PDE1A: variants seen among roughly 807,000 people sequenced by gnomAD.
PDE1A encodes the protein phosphodiesterase 1A.
Under a neutral mutation model 61.7 loss-of-function variants are expected in PDE1A, and 35 were observed. That is an observed-to-expected ratio of 0.57 (90% CI 0.43 to 0.75). The LOEUF (loss-of-function observed/expected upper bound fraction) is 0.75, where lower values mean the gene tolerates loss of function less well. PDE1A is among the 30% of genes least tolerant of loss of function. PDE1A has a pLI of 0.00. For missense variants in PDE1A, 597 were observed against 630.6 expected (o/e 0.95, Z 0.57); for synonymous variants, 232 against 213.2 (o/e 1.09, Z -0.77).
At chr2:182,548,203 AGC>A in the PDE1A span, among the ~76,000 whole-genome samples, 9 of 152,336 alleles carry the variant, frequency 5.9e-5, no homozygotes, top group African/African-American at 7.2e-5. Flanking sequence ...ACAGCAGATC[AGC>A]GCCTAAAGAA....
At chr2:182,426,581 A>C in exon 1 of PDE1A, 1 of 1,607,362 alleles carries the variant, frequency 6.2e-7, no homozygotes, top group Non-Finnish European at 8.5e-7. Flanking sequence ...TACTTACCTA[A>C]AGATGGGTCT....
chr2:182,678,476 T>C, the PDE1A span, among the ~76,000 whole-genome samples: 1 of 152,042 alleles, frequency 6.6e-6, no homozygotes, highest in Admixed American at 6.6e-5. Flanking sequence ...GCCTGTGAAT[T>C]GAAAAATGTC....
chr2:182,655,230 C>T, the PDE1A span, among the ~76,000 whole-genome samples: 1 of 152,148 alleles, frequency 6.6e-6, no homozygotes, highest in Non-Finnish European at 1.5e-5. Context: ...ATAATAAATC[C>T]ATTCTAACAT....
intron 5 of PDE1A, among the ~76,000 whole-genome samples, chr2:182,230,522 C>T (rs940368948): frequency 6.6e-6 from 1 of 152,050 alleles, no homozygotes; most frequent in Non-Finnish European, 1.5e-5. Context: ...TCTCTCAGTA[C>T]TTTATAGCTC....
At chr2:182,562,592 C>A in the PDE1A span, among the ~76,000 whole-genome samples, 2 of 152,088 alleles carry the variant, frequency 1.3e-5, no homozygotes, top group Non-Finnish European at 1.5e-5. Flanking sequence ...CGAGGATTCC[C>A]TCTTTTTCTA....
downstream of PDE1A, among the ~76,000 whole-genome samples, chr2:182,166,784 T>C (rs180920166): frequency 6.6e-6 from 1 of 152,288 alleles, no homozygotes; most frequent in Non-Finnish European, 1.5e-5. Context: ...CAAGGTGAGA[T>C]AGATGAAATA....
chr2:182,214,254 C>A (rs1006165524), intron 7 of PDE1A, among the ~76,000 whole-genome samples: 1 of 151,408 alleles, frequency 6.6e-6, no homozygotes, highest in African/African-American at 2.4e-5. Context: ...TAAAAGAGCT[C>A]CTGAAGGAAG....
chr2:182,228,940 A>G (rs1174704436), intron 6 of PDE1A, among the ~76,000 whole-genome samples: 1 of 152,196 alleles, frequency 6.6e-6, no homozygotes, highest in African/African-American at 2.4e-5. Context: ...ATCTTTGCTA[A>G]CAACTTTAAC....
chr2:182,240,393 ACT>A, intron 2 of PDE1A, 101 bp from the exon 3 acceptor site: 1 of 655,768 alleles, frequency 1.5e-6, no homozygotes, highest in Non-Finnish European at 2.4e-6. Flanking sequence ...ATAGCCAATC[ACT>A]CTCTGATTAT....
At chr2:182,297,830 C>T (rs1040419800) in intron 1 of PDE1A, among the ~76,000 whole-genome samples, 3 of 152,216 alleles carry the variant, frequency 2.0e-5, no homozygotes, top group African/African-American at 7.2e-5. Flanking sequence ...TATGGTATAA[C>T]TCTGAGGTGT....
chr2:182,374,621 C>G (rs902647042), intron 1 of PDE1A, among the ~76,000 whole-genome samples: 5 of 152,030 alleles, frequency 3.3e-5, no homozygotes, highest in South Asian at 2.1e-4. Flanking sequence ...TTAAAATCTT[C>G]TACATATAAA....
At position 182,237,742 on chromosome 2, in the gene PDE1A, A is replaced by G. The variant is rs550537547; in HGVS notation, c.350+2368T>C. ...CCGGGAAGACCTCTGGAACGGTAAA[A>G]GGGCCAGCCCGCCATGTTGAAGGGT... On this transcript the variant is annotated intron_variant, in intron 3 of 13. Transcript: ENST00000351439. Among the ~76,000 whole-genome samples the G allele has an allele frequency of 4.5e-4, 69 of 152,326 alleles. 2 individuals carry two copies. In the South Asian group the frequency reaches 0.013, roughly 29 times the overall value.
chr2:182,167,165 C>A (rs1003232163), downstream of PDE1A, among the ~76,000 whole-genome samples: 1 of 152,108 alleles, frequency 6.6e-6, no homozygotes, highest in African/African-American at 2.4e-5. Context: ...ATGGAAACTT[C>A]CTAAATTCCT....
the PDE1A span, among the ~76,000 whole-genome samples, chr2:182,715,260 C>A: frequency 6.6e-6 from 1 of 152,196 alleles, no homozygotes; most frequent in Non-Finnish European, 1.5e-5. Flanking sequence ...GAGCCACTAT[C>A]TTGTAAGATT....
At chr2:182,575,452 T>A in the PDE1A span, among the ~76,000 whole-genome samples, 1 of 151,676 alleles carries the variant, frequency 6.6e-6, no homozygotes, top group Non-Finnish European at 1.5e-5. Flanking sequence ...ATGGAATAAT[T>A]GTTGTGACTC....
chr2:182,602,988 C>T, the PDE1A span, among the ~76,000 whole-genome samples: 1 of 125,934 alleles, frequency 7.9e-6, no homozygotes, highest in African/African-American at 3.8e-5. Flanking sequence ...ACATCACACA[C>T]ACACACATAC....
In PDE1A at chr2:182,293,493, G is replaced by GA. The variant is rs562948495; in HGVS notation, c.54-29080dup. 4.0e-4 allele frequency among the ~76,000 whole-genome samples: 59 copies of GA among 148,480 alleles called. No homozygotes were observed. In the South Asian group the frequency reaches 4.5e-3, roughly 11 times the overall value. ...TTCATTTGCTAACACATATTTGAAG[G>GA]AAAAAAAAACACCTATAGCCTTTAA... is the stretch of plus-strand genomic sequence containing the variant. On this transcript the variant is annotated intron_variant, in intron 1 of 13. Transcript: ENST00000351439.
At chr2:182,567,032 C>A in the PDE1A span, among the ~76,000 whole-genome samples, 57 of 152,246 alleles carry the variant, frequency 3.7e-4, 2 homozygotes, top group African/African-American at 1.3e-3. Flanking sequence ...CTGGATAAGT[C>A]TAGCTTGATT....
At chr2:182,464,601 T>A (rs73975031) in intron 2 of PDE1A, among the ~76,000 whole-genome samples, 352 of 152,040 alleles carry the variant, frequency 2.3e-3, no homozygotes, top group African/African-American at 7.8e-3. Context: ...GTAAAAAAAA[T>A]AATAATAATA....
Sources: allele counts gnomAD v4.1 joint callset (sites outside exome capture counted in the v4.1 genomes callset), GRCh38; gene constraint gnomAD v4.1.1; transcripts MANE v1.5; gene names NCBI Gene and HGNC (gene_info 2026-07-23, HGNC 2026-07-21).